The following MASP1 variants were observed in gnomAD, a reference collection of about 807,000 sequenced individuals.
MASP1 encodes mannan-binding lectin serine protease 1.
MASP1 carries 59 observed loss-of-function variants against 77.1 expected under a neutral mutation model. The observed-to-expected ratio is 0.77, with a 90% CI of 0.62 to 0.95. The LOEUF (loss-of-function observed/expected upper bound fraction) is 0.95, where lower values mean the gene tolerates loss of function less well. MASP1 is among the 40% of genes least tolerant of loss of function. MASP1 has a pLI of 0.00. For missense variants in MASP1, 885 were observed against 912.9 expected (o/e 0.97, Z 0.39); for synonymous variants, 362 against 354.5 (o/e 1.02, Z -0.24).
intron 4 of MASP1, among the ~76,000 whole-genome samples, chr3:187,259,573 C>G (rs760880304): frequency 6.6e-6 from 1 of 151,996 alleles, no homozygotes; most frequent in East Asian, 1.9e-4. Flanking sequence ...GAGTGAGAAA[C>G]CTTGCTCTGC....
chr3:187,224,714 A>G (rs1712307180), intron 13 of MASP1, among the ~76,000 whole-genome samples: 2 of 152,128 alleles, frequency 1.3e-5, no homozygotes, highest in African/African-American at 4.8e-5. Context: ...TTGTGGTACT[A>G]GGGATGAGAC....
chr3:187,225,008 C>A (rs531399562), intron 13 of MASP1, among the ~76,000 whole-genome samples: 1 of 152,340 alleles, frequency 6.6e-6, no homozygotes, highest in South Asian at 2.1e-4. Context: ...CCTGCAGGTA[C>A]CATCTCTATG....
At chr3:187,286,462 T>C (rs1717864722) in intron 1 of MASP1, among the ~76,000 whole-genome samples, 1 of 152,222 alleles carries the variant, frequency 6.6e-6, no homozygotes, top group Non-Finnish European at 1.5e-5. Flanking sequence ...CTTAAATGCA[T>C]TGATGGAATC....
At chr3:187,263,421 T>C (rs1715769274) in intron 2 of MASP1, among the ~76,000 whole-genome samples, 1 of 152,144 alleles carries the variant, frequency 6.6e-6, no homozygotes, top group Non-Finnish European at 1.5e-5. Flanking sequence ...TTACAAGAAC[T>C]GAAAGTACAA....
chr3:187,254,655 CA>C (rs1048633768), intron 5 of MASP1, among the ~76,000 whole-genome samples: 2 of 151,284 alleles, frequency 1.3e-5, no homozygotes, highest in African/African-American at 2.4e-5. Flanking sequence ...AGAGTGGAAG[CA>C]AAAAAACAAA....
rs3821803 is a variant in MASP1, at chr3:187,234,626, C to T, written c.*1058G>A. The stretch of plus-strand genomic sequence containing the variant: ...GGAGTGGGTCCCTCTGAACATCCTG[C>T]GGGGTGGATTCTCCGCCCAGCTCAT... On this transcript the variant is annotated 3_prime_UTR_variant, in exon 11 of 11. Coordinates refer to ENST00000296280, the MANE Select transcript of MASP1 (RefSeq NM_139125.4). 6.3e-4 allele frequency: 813 copies of T among 1,287,188 alleles called. 3 individuals are homozygous for T. The African/African-American group carries it at 6.6e-3, about 10-fold the overall frequency. The allele number at this position is 1,287,188 out of a possible 1,614,324, so 79.7% of individuals were successfully genotyped here. A position where few individuals can be genotyped will look rare whatever the true frequency, so the allele number is the denominator to read the frequency against.
chr3:187,280,420 G>A (rs1717317470), intron 2 of MASP1, among the ~76,000 whole-genome samples: 1 of 152,196 alleles, frequency 6.6e-6, no homozygotes, highest in Non-Finnish European at 1.5e-5. Context: ...ACAGTGAATA[G>A]ATGCCATGAA....
At chr3:187,255,951 A>G (rs1482429049) in intron 5 of MASP1, among the ~76,000 whole-genome samples, 2 of 151,996 alleles carry the variant, frequency 1.3e-5, no homozygotes, top group Admixed American at 6.5e-5. Context: ...AGACCCTAAT[A>G]TTCAGCTCTA....
At chr3:187,267,270 G>T (rs1474556425) in intron 2 of MASP1, among the ~76,000 whole-genome samples, 1 of 152,206 alleles carries the variant, frequency 6.6e-6, no homozygotes, top group Non-Finnish European at 1.5e-5. Context: ...AATGCCTCAT[G>T]ACTTTGTTTG....
chr3:187,278,090 A>C (rs747808625), intron 2 of MASP1, among the ~76,000 whole-genome samples: 1 of 152,242 alleles, frequency 6.6e-6, no homozygotes, highest in Non-Finnish European at 1.5e-5. Context: ...GACATATGAC[A>C]TTAAAGCATT....
intron 1 of MASP1, 44 bp from the exon 2 acceptor site, chr3:187,286,100 GC>G: frequency 6.9e-7 from 1 of 1,457,598 alleles, no homozygotes; most frequent in Non-Finnish European, 9.6e-7. Context: ...ATAAACACAG[GC>G]CCCTGCCATT....
chr3:187,260,805 A>G lies in MASP1; in HGVS notation c.483T>C (p.Ile161=). Residue 161 remains isoleucine (I), a synonymous_variant, in exon 4 of 11, where the codon ATT becomes ATC. Transcript: ENST00000296280. ...AGCGGCAGGAGCAGTAGTAGCCGCC[A>G]ATGTAGTTGTGGCAGTAGTGGTCAC... ...LSCDHYCHNY[I]GGYYCSCRFG... 2.5e-6 allele frequency: 4 copies of G among 1,614,130 alleles called. No individual in the cohort carries two copies. Among genetic ancestry groups the G allele is most frequent in the South Asian group, 1.1e-5 (1 of 91,070 alleles).
chr3:187,270,693 T>G (rs1716447757), intron 2 of MASP1, among the ~76,000 whole-genome samples: 2 of 152,200 alleles, frequency 1.3e-5, no homozygotes. Context: ...TCTTTAACAC[T>G]TTCACATGTG....
intron 6 of MASP1, among the ~76,000 whole-genome samples, chr3:187,252,099 G>A (rs1192117573): frequency 6.6e-6 from 1 of 152,128 alleles, no homozygotes; most frequent in African/African-American, 2.4e-5. Context: ...TCAGCTAGGA[G>A]CCCCACCAGG....
rs149017616 is a variant in MASP1 at position 187,226,702 on chromosome 3, G to A, written c.1442-182C>T. On this transcript the variant is annotated intron_variant, in intron 11 of 15. Coordinates refer to the MASP1 transcript ENST00000337774. ...GCTCATATGATCCTAATCTGAAGAT[G>A]AGGATTTAAATCTGTGATTTTTACC... Among the ~76,000 whole-genome samples, 851 of 152,244 alleles carry A rather than the reference G, an allele frequency of 5.6e-3. 12 individuals are homozygous for A. The highest frequency in any genetic ancestry group is 4.0e-3 in the Non-Finnish European group (271 of 68,018).
chr3:187,251,800 G>T (rs1279653328), intron 6 of MASP1, 48 bp from the exon 7 acceptor site: 1 of 1,412,688 alleles, frequency 7.1e-7, no homozygotes, highest in East Asian at 2.3e-5. Flanking sequence ...AGAGAATTCT[G>T]ACCTTAAAGG....
intron 9 of MASP1, 109 bp downstream of exon 9, chr3:187,243,375 A>G: frequency 8.8e-7 from 1 of 1,134,888 alleles, no homozygotes; most frequent in Non-Finnish European, 1.3e-6. Flanking sequence ...ATCAGGCTCT[A>G]CACACTTATG....
In MASP1 at chr3:187,220,745, G is replaced by A. The variant is rs1020287233; in HGVS notation, c.1909+290C>T. Among the ~76,000 whole-genome samples, 11 of 152,064 alleles carry A rather than the reference G, an allele frequency of 7.2e-5. No individual in the cohort carries two copies. The East Asian group carries it at 9.6e-4, about 13-fold the overall frequency. On this transcript the variant is annotated intron_variant, in intron 15 of 15. Coordinates refer to the MASP1 transcript ENST00000337774. The stretch of plus-strand genomic sequence containing the variant: ...ACTCCCGACCTCAGGTGATCCACCC[G>A]CCTCGGCCTCCCAAAGTGCTGGGAT...
chr3:187,281,717 A>C lies in MASP1; in HGVS notation c.237+4108T>G, dbSNP rs1348563316. Among the ~76,000 whole-genome samples the C allele has an allele frequency of 2.0e-5, 3 of 152,148 alleles. No homozygotes were observed. In the East Asian group the frequency reaches 5.8e-4, roughly 29 times the overall value. ...GAGTGTTTGGTGGGGTCATCTTGGA[A>C]GTTCTGGTGAGGAGGATTGGGATTA... On this transcript the variant is annotated intron_variant, in intron 2 of 10. Transcript: ENST00000296280.
Sources: gnomAD v4.1 joint callset for allele counts (sites outside exome capture counted in the v4.1 genomes callset) on GRCh38, gnomAD v4.1.1 for gene constraint, MANE v1.5 for transcripts, NCBI Gene and HGNC (gene_info 2026-07-23, HGNC 2026-07-21) for gene names.